RBMS3: variants seen among roughly 807,000 people sequenced by gnomAD.
RBMS3 encodes the protein RNA-binding motif, single-stranded-interacting protein 3.
In RBMS3, 27 loss-of-function variants were observed where a neutral mutation model predicts 66.8. That is an observed-to-expected ratio of 0.40 (90% CI 0.30 to 0.56). RBMS3 has a LOEUF of 0.56. RBMS3 is among the 20% of genes least tolerant of loss of function. The probability of loss-of-function intolerance (pLI) is 0.40; values close to 1 mark genes in which losing one functional copy is unlikely to be tolerated. For missense variants in RBMS3, 513 were observed against 549.5 expected (o/e 0.93, Z 0.66); for synonymous variants, 188 against 183.0 (o/e 1.03, Z -0.22).
chr3:29,595,863 A>C (rs2047926943), intron 4 of RBMS3, among the ~76,000 whole-genome samples: 1 of 152,186 alleles, frequency 6.6e-6, no homozygotes, highest in African/African-American at 2.4e-5. Flanking sequence ...CTCCCCACCC[A>C]TGGATGAGAT....
chr3:29,951,447 A>G (rs1391289498), intron 12 of RBMS3, among the ~76,000 whole-genome samples: 1 of 150,598 alleles, frequency 6.6e-6, no homozygotes, highest in Admixed American at 6.6e-5. Context: ...TCTGAAGCTT[A>G]GCTTTTCTCT....
intron 4 of RBMS3, among the ~76,000 whole-genome samples, chr3:29,635,668 C>T (rs1479862852): frequency 6.6e-6 from 1 of 151,760 alleles, no homozygotes; most frequent in Admixed American, 6.6e-5. Context: ...AGCCAGCATG[C>T]GATAGATGCA....
At chr3:29,309,722 G>T (rs555309574) in intron 1 of RBMS3, among the ~76,000 whole-genome samples, 31 of 151,646 alleles carry the variant, frequency 2.0e-4, no homozygotes, top group Admixed American at 2.0e-3. Context: ...GAATTGTTAG[G>T]GATTTCATAT....
chr3:29,301,385 G>A (rs368602884), intron 1 of RBMS3, among the ~76,000 whole-genome samples: 16 of 152,048 alleles, frequency 1.1e-4, no homozygotes, highest in South Asian at 6.2e-4. Context: ...GAAATAATTC[G>A]TAACTAACAA....
chr3:29,976,153 C>G (rs1386659861), intron 12 of RBMS3, among the ~76,000 whole-genome samples: 3 of 151,846 alleles, frequency 2.0e-5, no homozygotes, highest in African/African-American at 4.8e-5. Flanking sequence ...TTGTATGCCA[C>G]TAGCAAATGA....
chr3:29,989,421 G>A (rs900722270), intron 13 of RBMS3, among the ~76,000 whole-genome samples: 6 of 152,024 alleles, frequency 3.9e-5, no homozygotes, highest in East Asian at 1.9e-4. Flanking sequence ...TATGGTCACC[G>A]TGCATTCCTT....
intron 4 of RBMS3, among the ~76,000 whole-genome samples, chr3:29,625,434 C>T (rs1266783470): frequency 1.3e-5 from 2 of 152,044 alleles, no homozygotes; most frequent in South Asian, 2.1e-4. Context: ...TGGATCACGC[C>T]TGTAATCCCA....
intron 2 of RBMS3, among the ~76,000 whole-genome samples, chr3:29,463,217 T>A (rs1421568472): frequency 1.3e-5 from 2 of 152,196 alleles, no homozygotes; most frequent in Non-Finnish European, 2.9e-5. Flanking sequence ...TTTAGGTAAA[T>A]TTGAGGGCAT....
intron 4 of RBMS3, among the ~76,000 whole-genome samples, chr3:29,591,860 G>A (rs561671749): frequency 6.6e-6 from 1 of 152,220 alleles, no homozygotes; most frequent in East Asian, 1.9e-4. Context: ...TTCATCAGGT[G>A]TACTACCAGA....
chr3:29,670,993 A>G (rs1042854561), intron 4 of RBMS3, among the ~76,000 whole-genome samples: 18 of 152,332 alleles, frequency 1.2e-4, no homozygotes, highest in Admixed American at 4.6e-4. Flanking sequence ...ACTGGGAGAC[A>G]TCTCACAATA....
chr3:29,978,472 T>A (rs1357707739), intron 12 of RBMS3, among the ~76,000 whole-genome samples: 1 of 152,158 alleles, frequency 6.6e-6, no homozygotes, highest in Non-Finnish European at 1.5e-5. Flanking sequence ...AGAAAGATTT[T>A]TTTTCATTAA....
chr3:29,537,965 T>A (rs2149005874), intron 3 of RBMS3, among the ~76,000 whole-genome samples: 1 of 152,330 alleles, frequency 6.6e-6, no homozygotes, highest in South Asian at 2.1e-4. Flanking sequence ...TTGTATTTGC[T>A]TTTTGCATAT....
At chr3:29,507,514 C>A (rs995418931) in intron 3 of RBMS3, among the ~76,000 whole-genome samples, 1 of 151,942 alleles carries the variant, frequency 6.6e-6, no homozygotes, top group Non-Finnish European at 1.5e-5. Context: ...AAAGACAAAT[C>A]TATGTATGCT....
At chr3:29,850,394 A>G (rs7644408) in intron 6 of RBMS3, among the ~76,000 whole-genome samples, 55,629 of 152,008 alleles carry the variant, frequency 0.37, 10,400 homozygotes, top group Non-Finnish European at 0.4. Context: ...AATCTACTTC[A>G]TTAATATTCA....
chr3:29,462,475 C>T (rs190503504), intron 2 of RBMS3, among the ~76,000 whole-genome samples: 1 of 152,176 alleles, frequency 6.6e-6, no homozygotes, highest in Admixed American at 6.5e-5. Context: ...GTATTCTGAG[C>T]AGTCTAGGCT....
At chr3:29,759,518 G>T (rs1010616827) in intron 5 of RBMS3, among the ~76,000 whole-genome samples, 3 of 152,138 alleles carry the variant, frequency 2.0e-5, no homozygotes, top group African/African-American at 4.8e-5. Context: ...CCATCTGAAA[G>T]GGACATATAA....
chr3:29,585,747 C>T (rs1215891668), intron 3 of RBMS3, among the ~76,000 whole-genome samples: 1 of 151,896 alleles, frequency 6.6e-6, no homozygotes. Context: ...TTACATTACC[C>T]ATTTAGTTTG....
intron 4 of RBMS3, among the ~76,000 whole-genome samples, chr3:29,665,045 T>C (rs1261301622): frequency 6.6e-6 from 1 of 152,174 alleles, no homozygotes; most frequent in Non-Finnish European, 1.5e-5. Context: ...AAAATAACAT[T>C]CTAGCTTTCT....
chr3:29,415,940 GAA>G (rs2040461116), intron 1 of RBMS3, among the ~76,000 whole-genome samples: 1 of 152,112 alleles, frequency 6.6e-6, no homozygotes, highest in African/African-American at 2.4e-5. Context: ...GAGCCATCAG[GAA>G]AAGTGTCCAA....
Sources: gnomAD v4.1 joint callset for allele counts (sites outside exome capture counted in the v4.1 genomes callset) on GRCh38, gnomAD v4.1.1 for gene constraint, MANE v1.5 for transcripts, NCBI Gene and HGNC (gene_info 2026-07-23, HGNC 2026-07-21) for gene names.